The following PTPRD variants were observed in gnomAD, a reference collection of about 807,000 sequenced individuals.
PTPRD encodes protein tyrosine phosphatase receptor type D, also known as receptor-type tyrosine-protein phosphatase delta.
Under a neutral mutation model 214.5 loss-of-function variants are expected in PTPRD, and 34 were observed. That is an observed-to-expected ratio of 0.16 (90% CI 0.12 to 0.21). The LOEUF is 0.21. PTPRD is among the 10% of genes least tolerant of loss of function. PTPRD has a pLI of 1.00. For missense variants in PTPRD, 2,545 were observed against 2,398.7 expected (o/e 1.06, Z -1.27); for synonymous variants, 1,128 against 845.7 (o/e 1.33, Z -5.79).
rs377257183 is a variant in PTPRD, at chr9:10,482,320, G to A, written c.-600+130078C>T. Among the ~76,000 whole-genome samples the A allele has an allele frequency of 1.2e-4, 19 of 152,126 alleles. No individual in the cohort carries two copies. The South Asian group carries it at 1.7e-3, about 13-fold the overall frequency. ...CGGGAGGTGGAGCTTACAGTGAGCC[G>A]AGATGGCGCCACTGCACTCCAGCCT... is the stretch of plus-strand genomic sequence containing the variant. On this transcript the variant is annotated intron_variant, in intron 2 of 45. Coordinates refer to ENST00000381196, the MANE Select transcript of PTPRD (RefSeq NM_002839.4).
At chr9:9,144,193 G>T (rs2099864754) in intron 10 of PTPRD, among the ~76,000 whole-genome samples, 1 of 152,144 alleles carries the variant, frequency 6.6e-6, no homozygotes, top group Non-Finnish European at 1.5e-5. Flanking sequence ...ATTTGAATTT[G>T]CTATTTCTGC....
chr9:9,576,191 T>C (rs760582219), intron 7 of PTPRD, among the ~76,000 whole-genome samples: 1 of 152,186 alleles, frequency 6.6e-6, no homozygotes, highest in Non-Finnish European at 1.5e-5. Flanking sequence ...TTGAAGAAAA[T>C]AGTTTATATA....
intron 3 of PTPRD, among the ~76,000 whole-genome samples, chr9:10,218,157 C>A (rs533761468): frequency 6.6e-6 from 1 of 151,866 alleles, no homozygotes; most frequent in Non-Finnish European, 1.5e-5. Context: ...ACAGCCTTTG[C>A]ATAGGCTTCT....
intron 12 of PTPRD, among the ~76,000 whole-genome samples, chr9:8,700,060 G>T (rs1243394458): frequency 6.6e-5 from 10 of 152,102 alleles, no homozygotes; most frequent in Non-Finnish European, 1.5e-5. Flanking sequence ...TGGTACAACT[G>T]CCAGTAATCA....
intron 5 of PTPRD, among the ~76,000 whole-genome samples, chr9:9,782,398 T>C (rs759257558): frequency 1.3e-5 from 2 of 152,208 alleles, no homozygotes. Context: ...TGTTCATTGA[T>C]TGACAGTCTG....
chr9:9,137,571 T>C (rs1368268733), intron 10 of PTPRD, among the ~76,000 whole-genome samples: 1 of 152,196 alleles, frequency 6.6e-6, no homozygotes, highest in Admixed American at 6.5e-5. Flanking sequence ...AGGGTGCATA[T>C]TGAAACCATG....
chr9:9,101,709 T>C (rs1023858180), intron 10 of PTPRD, among the ~76,000 whole-genome samples: 4 of 152,366 alleles, frequency 2.6e-5, no homozygotes, highest in Admixed American at 6.5e-5. Context: ...CTGTCACTTA[T>C]GCATGTTACC....
chr9:8,490,492 C>T, intron 27 of PTPRD, among the ~76,000 whole-genome samples: 1 of 152,286 alleles, frequency 6.6e-6, no homozygotes, highest in Non-Finnish European at 1.5e-5. Flanking sequence ...TTCTCCCTGT[C>T]ACAGTCATCT....
chr9:9,816,683 C>T (rs2761742), intron 5 of PTPRD, among the ~76,000 whole-genome samples: 66,433 of 151,818 alleles, frequency 0.44, 16,890 homozygotes, highest in African/African-American at 0.71. Flanking sequence ...CCTATAAACA[C>T]GTAGCTTAAA....
intron 11 of PTPRD, among the ~76,000 whole-genome samples, chr9:8,776,267 T>C (rs781190862): frequency 6.6e-6 from 1 of 152,172 alleles, no homozygotes; most frequent in East Asian, 1.9e-4. Context: ...AAATGGGATG[T>C]TGTCAAAGTT....
intron 2 of PTPRD, among the ~76,000 whole-genome samples, chr9:10,449,181 G>T (rs1325973355): frequency 1.3e-5 from 2 of 151,960 alleles, no homozygotes; most frequent in African/African-American, 4.8e-5. Context: ...CTGGGATTGC[G>T]GGCGGGTGCC....
chr9:10,316,851 T>C (rs919021016), intron 3 of PTPRD, among the ~76,000 whole-genome samples: 1 of 151,934 alleles, frequency 6.6e-6, no homozygotes, highest in African/African-American at 2.4e-5. Context: ...GCAAAGTAAT[T>C]TCCCAAGTGA....
At position 9,636,840 on chromosome 9, in the gene PTPRD, C is replaced by G. The variant is rs1341288279; in HGVS notation, c.-286-62059G>C. ...AAATTATAAACATAAATTTGTTTCT[C>G]ATAGTCTTGGAGGCTGGGAAGCCTA... is the stretch of plus-strand genomic sequence containing the variant. On this transcript the variant is annotated intron_variant, in intron 7 of 45. Coordinates refer to ENST00000381196, the MANE Select transcript of PTPRD (RefSeq NM_002839.4). Among the ~76,000 whole-genome samples, 3 of 152,230 alleles carry G rather than the reference C, an allele frequency of 2.0e-5. No homozygotes were observed. In the East Asian group the frequency reaches 5.8e-4, roughly 29 times the overall value.
At chr9:8,363,421 T>C (rs1262459651) in intron 39 of PTPRD, among the ~76,000 whole-genome samples, 4 of 151,964 alleles carry the variant, frequency 2.6e-5, no homozygotes, top group African/African-American at 9.7e-5. Context: ...CATCTAGGGG[T>C]AGTTAGGGAT....
chr9:9,929,205 G>A (rs1286003446), intron 5 of PTPRD, among the ~76,000 whole-genome samples: 1 of 152,124 alleles, frequency 6.6e-6, no homozygotes, highest in Non-Finnish European at 1.5e-5. Flanking sequence ...AAGAACACAA[G>A]AAAGAATGAT....
At chr9:10,237,090 A>G (rs1485141590) in intron 3 of PTPRD, among the ~76,000 whole-genome samples, 1 of 151,878 alleles carries the variant, frequency 6.6e-6, no homozygotes, top group African/African-American at 2.4e-5. Context: ...TGGTATTTGG[A>G]TGATCATGAT....
At chr9:10,554,705 G>A (rs1351929626) in intron 2 of PTPRD, among the ~76,000 whole-genome samples, 2 of 151,770 alleles carry the variant, frequency 1.3e-5, no homozygotes, top group Admixed American at 6.6e-5. Flanking sequence ...TTGTCGCTCA[G>A]ACTGGACTGC....
At chr9:8,574,563 A>G (rs1458149619) in intron 14 of PTPRD, among the ~76,000 whole-genome samples, 1 of 152,062 alleles carries the variant, frequency 6.6e-6, no homozygotes, top group African/African-American at 2.4e-5. Flanking sequence ...ATAAGTATCA[A>G]ATATTTGGTG....
intron 11 of PTPRD, among the ~76,000 whole-genome samples, chr9:8,756,967 C>G (rs2094035955): frequency 6.6e-6 from 1 of 151,894 alleles, no homozygotes; most frequent in Non-Finnish European, 1.5e-5. Flanking sequence ...GTGGTGAAAC[C>G]CTGTCTCTAC....
Sources: allele counts gnomAD v4.1 joint callset (sites outside exome capture counted in the v4.1 genomes callset), GRCh38; gene constraint gnomAD v4.1.1; transcripts MANE v1.5; gene names NCBI Gene and HGNC (gene_info 2026-07-23, HGNC 2026-07-21).